The following NEGR1 variants were observed in gnomAD, a reference collection of about 807,000 sequenced individuals.
NEGR1 encodes the protein IgLON family member 4.
NEGR1 carries 10 observed loss-of-function variants against 40.9 expected under a neutral mutation model. The ratio of observed to expected loss-of-function variants is 0.24; its 90% CI spans 0.15 to 0.42. The LOEUF is 0.42. NEGR1 is among the 10% of genes least tolerant of loss of function. The pLI is 1.00. For synonymous variants in NEGR1, 185 were observed against 166.8 expected (o/e 1.11, Z -0.84); for missense variants, 352 against 438.9 (o/e 0.80, Z 1.77).
At chr1:71,873,700 T>C (rs1368600156) in intron 2 of NEGR1, among the ~76,000 whole-genome samples, 1 of 152,158 alleles carries the variant, frequency 6.6e-6, no homozygotes, top group African/African-American at 2.4e-5. Context: ...TCCAAATAAA[T>C]GGAAAAACGT....
chr1:72,096,647 C>CTTTTACTTTTA (rs1648709449), intron 1 of NEGR1, among the ~76,000 whole-genome samples: 1 of 149,142 alleles, frequency 6.7e-6, no homozygotes, highest in Non-Finnish European at 1.5e-5. Context: ...GTATCTTTTA[C>CTTTTACTTTTA]TTTTATTTTA....
chr1:72,095,292 G>T (rs926398211), intron 1 of NEGR1, among the ~76,000 whole-genome samples: 1 of 151,814 alleles, frequency 6.6e-6, no homozygotes, highest in African/African-American at 2.4e-5. Context: ...AATCTAAAAG[G>T]ATACATATTA....
chr1:71,477,825 A>T (rs1356551956), intron 6 of NEGR1, among the ~76,000 whole-genome samples: 1 of 151,948 alleles, frequency 6.6e-6, no homozygotes, highest in Non-Finnish European at 1.5e-5. Flanking sequence ...TCTTACAAAG[A>T]TCAAATTACT....
At chr1:71,969,823 A>G (rs1032536993) in intron 1 of NEGR1, among the ~76,000 whole-genome samples, 3 of 152,236 alleles carry the variant, frequency 2.0e-5, no homozygotes, top group African/African-American at 7.2e-5. Context: ...TAAGATGATG[A>G]CATCAAGTCA....
chr1:71,640,371 A>C (rs1570139540), intron 4 of NEGR1, among the ~76,000 whole-genome samples: 1 of 152,070 alleles, frequency 6.6e-6, no homozygotes, highest in Non-Finnish European at 1.5e-5. Flanking sequence ...CAAAGGATGC[A>C]TTGATATCTC....
intron 1 of NEGR1, among the ~76,000 whole-genome samples, chr1:71,961,089 CCTAT>C (rs1464446654): frequency 5.3e-5 from 8 of 152,002 alleles, no homozygotes; most frequent in Non-Finnish European, 7.4e-5. Context: ...TCTTTTATTG[CCTAT>C]CTAATTTCCT....
intron 1 of NEGR1, among the ~76,000 whole-genome samples, chr1:72,034,371 C>T (rs1328580603): frequency 1.3e-5 from 2 of 152,078 alleles, no homozygotes; most frequent in Admixed American, 6.6e-5. Context: ...TTTAGATGAG[C>T]AGGAAAGGGA....
intron 1 of NEGR1, among the ~76,000 whole-genome samples, chr1:72,097,503 C>T (rs976699557): frequency 1.1e-4 from 16 of 152,054 alleles, no homozygotes; most frequent in Admixed American, 2.6e-4. Context: ...GTCAACTTTA[C>T]CCCCCAAAAT....
intron 1 of NEGR1, among the ~76,000 whole-genome samples, chr1:72,105,152 A>G (rs74087112): frequency 0.031 from 4,646 of 152,180 alleles, 254 homozygotes; most frequent in African/African-American, 0.11. Flanking sequence ...CCTGCCTCCA[A>G]ACTATTCTCT....
chr1:71,427,456 T>C (rs1175750279), intron 6 of NEGR1, among the ~76,000 whole-genome samples: 1 of 152,198 alleles, frequency 6.6e-6, no homozygotes, highest in Non-Finnish European at 1.5e-5. Context: ...TCTTAATATA[T>C]ATCTTTTCAC....
intron 1 of NEGR1, among the ~76,000 whole-genome samples, chr1:72,071,518 T>A (rs1647460501): frequency 6.6e-6 from 1 of 151,984 alleles, no homozygotes; most frequent in Non-Finnish European, 1.5e-5. Context: ...AGGCAAAAAA[T>A]TTAGTTGTTG....
At chr1:72,269,284 A>G (rs1655762166) in intron 1 of NEGR1, among the ~76,000 whole-genome samples, 2 of 151,650 alleles carry the variant, frequency 1.3e-5, no homozygotes, top group Admixed American at 6.6e-5. Context: ...TTGGGAAATA[A>G]TGGTGCTTAA....
At chr1:72,011,394 A>G (rs557253780) in intron 1 of NEGR1, among the ~76,000 whole-genome samples, 3 of 152,278 alleles carry the variant, frequency 2.0e-5, no homozygotes, top group South Asian at 4.1e-4. Flanking sequence ...GTTATATAAT[A>G]GCATTCACAT....
In NEGR1 at chr1:72,017,674, A is replaced by AT. The variant is rs926267390; in HGVS notation, c.177-82364dup. Among the ~76,000 whole-genome samples, 815 of 147,006 alleles carry AT rather than the reference A, an allele frequency of 5.5e-3. 14 individuals carry two copies. Among genetic ancestry groups the AT allele is most frequent in the Admixed American group, 0.036 (529 of 14,688 alleles). On this transcript the variant is annotated intron_variant, in intron 1 of 6. Transcript: ENST00000357731. ...CTTGTAAATCTGTTACAATCCAATT[A>AT]TTTTTTTTTTTCAGAAAACTGGTTT...
At chr1:71,716,786 C>G (rs1224565066) in intron 3 of NEGR1, among the ~76,000 whole-genome samples, 3 of 152,134 alleles carry the variant, frequency 2.0e-5, no homozygotes, top group Non-Finnish European at 4.4e-5. Context: ...TCTGGCCTTT[C>G]TACATTCTAT....
Position 72,077,098 on chromosome 1 carries a change from G to A in NEGR1, c.177-141787C>T, listed in dbSNP as rs114410023. ...TTAGTAGAGAAAAGGTTTCTACCATGTTGGCCAGGATGATCTGGATCTTTT... is the reference window on the plus strand; with the variant it reads ...TTAGTAGAGAAAAGGTTTCTACCATATTGGCCAGGATGATCTGGATCTTTT... On this transcript the variant is annotated intron_variant, in intron 1 of 6. Coordinates refer to ENST00000357731, the MANE Select transcript of NEGR1 (RefSeq NM_173808.3). 5.8e-3 allele frequency among the ~76,000 whole-genome samples: 882 copies of A among 151,886 alleles called. 3 individuals are homozygous for A. Among genetic ancestry groups the A allele is most frequent in the African/African-American group, 0.02 (842 of 41,458 alleles).
At chr1:72,274,453 A>C (rs992925669) in intron 1 of NEGR1, 2 of 560,042 alleles carry the variant, frequency 3.6e-6, no homozygotes, top group African/African-American at 3.8e-5. Flanking sequence ...GTATGGATCC[A>C]GCTCTTGAGC....
At chr1:72,170,054 A>C (rs1389021365) in intron 1 of NEGR1, among the ~76,000 whole-genome samples, 1 of 152,134 alleles carries the variant, frequency 6.6e-6, no homozygotes, top group East Asian at 1.9e-4. Context: ...GCCTATAGAA[A>C]ATGTGTACCT....
intron 3 of NEGR1, among the ~76,000 whole-genome samples, chr1:71,735,340 A>T (rs1438302551): frequency 6.6e-6 from 1 of 152,082 alleles, no homozygotes; most frequent in Admixed American, 6.6e-5. Flanking sequence ...CTCGATAGTG[A>T]TTTTTAACCC....
Sources: allele counts gnomAD v4.1 joint callset (sites outside exome capture counted in the v4.1 genomes callset), GRCh38; gene constraint gnomAD v4.1.1; transcripts MANE v1.5; gene names NCBI Gene and HGNC (gene_info 2026-07-23, HGNC 2026-07-21).